Variants in STX8 observed in about 807,000 individuals in gnomAD.
STX8 encodes syntaxin-8.
In STX8, 23 loss-of-function variants were observed where a neutral mutation model predicts 37.5. That is an observed-to-expected ratio of 0.61 (90% confidence interval 0.44 to 0.87). The LOEUF (loss-of-function observed/expected upper bound fraction) is 0.87. Among genes scored for constraint, STX8 ranks in the 40% least tolerant of loss-of-function variants. STX8 has a pLI of 0.00. For synonymous variants in STX8, 115 were observed against 99.1 expected, an observed-to-expected ratio of 1.16 and a Z score of -0.95; for missense variants, 313 against 284.7, an observed-to-expected ratio of 1.10 and a Z score of -0.71.
chr17:9,524,783 T>TTTTG (rs55695494), intron 4 of STX8, among the ~76,000 whole-genome samples: 77,074 of 149,908 alleles, frequency 0.51, 20,325 homozygotes, highest in South Asian at 0.66. Flanking sequence ...TTTGTTTTGT[T>TTTTG]TTTGTTTGTT....
intron 4 of STX8, among the ~76,000 whole-genome samples, chr17:9,508,622 C>T (rs189112878): frequency 1.3e-5 from 2 of 152,218 alleles, no homozygotes; most frequent in Admixed American, 1.3e-4. Context: ...AGCCACCATG[C>T]GTGGCTGAAT....
chr17:9,356,314 G>A (rs1056198616), intron 7 of STX8, among the ~76,000 whole-genome samples: 1 of 152,156 alleles, frequency 6.6e-6, no homozygotes, highest in East Asian at 1.9e-4. Flanking sequence ...TGGTCCATGA[G>A]AATACATAAA....
chr17:9,366,098 C>T (rs990033003), intron 7 of STX8, among the ~76,000 whole-genome samples: 2 of 152,234 alleles, frequency 1.3e-5, no homozygotes, highest in African/African-American at 2.4e-5. Context: ...TCATTTTCCA[C>T]GCCTCTCAGC....
chr17:9,474,073 C>T (rs549922346), intron 6 of STX8, among the ~76,000 whole-genome samples: 62 of 152,096 alleles, frequency 4.1e-4, no homozygotes, highest in Non-Finnish European at 6.9e-4. Flanking sequence ...TCCATAAAAA[C>T]CCTTGAACAA....
intron 6 of STX8, among the ~76,000 whole-genome samples, chr17:9,379,967 CAA>C (rs55853892): frequency 7.2e-6 from 1 of 139,340 alleles, no homozygotes; most frequent in Non-Finnish European, 1.6e-5. Context: ...GACTCTGTCT[CAA>C]AAAAAAAAAG....
At chr17:9,567,932 C>T (rs1263441095) in intron 2 of STX8, among the ~76,000 whole-genome samples, 2 of 152,092 alleles carry the variant, frequency 1.3e-5, no homozygotes, top group Non-Finnish European at 2.9e-5. Flanking sequence ...GCAATCTGCC[C>T]GCCTCAGCCT....
At chr17:9,416,689 G>A (rs1285252112) in intron 6 of STX8, among the ~76,000 whole-genome samples, 3 of 152,034 alleles carry the variant, frequency 2.0e-5, no homozygotes, top group African/African-American at 7.2e-5. Flanking sequence ...TTTAAGCCAG[G>A]ATAATAGTTA....
chr17:9,572,195 A>T (rs1313172775), intron 1 of STX8, among the ~76,000 whole-genome samples: 2 of 152,198 alleles, frequency 1.3e-5, no homozygotes, highest in Non-Finnish European at 2.9e-5. Context: ...CCTGGAGGTA[A>T]AGCTAATTAA....
intron 3 of STX8, among the ~76,000 whole-genome samples, chr17:9,545,581 A>G (rs1176138432): frequency 6.6e-6 from 1 of 151,940 alleles, no homozygotes; most frequent in African/African-American, 2.4e-5. Flanking sequence ...CCGTGACCAA[A>G]CTTATTTACT....
intron 7 of STX8, among the ~76,000 whole-genome samples, chr17:9,262,555 G>A (rs1017676513): frequency 2.0e-5 from 3 of 151,090 alleles, no homozygotes; most frequent in Non-Finnish European, 4.4e-5. Flanking sequence ...TTTGTTTTTT[G>A]GTGTTTTTTG....
At chr17:9,574,991 T>C (rs551624820) in intron 1 of STX8, among the ~76,000 whole-genome samples, 32 of 152,308 alleles carry the variant, frequency 2.1e-4, no homozygotes, top group South Asian at 4.1e-4. Context: ...AATAACAACA[T>C]AAGACACATA....
chr17:9,369,904 A>AG (rs757535976), intron 7 of STX8, among the ~76,000 whole-genome samples: 4 of 146,972 alleles, frequency 2.7e-5, no homozygotes, highest in Admixed American at 6.8e-5. Flanking sequence ...AAAAAAAAAA[A>AG]AAAAAAGAAA....
chr17:9,524,259 C>G (rs1905473691), intron 4 of STX8, among the ~76,000 whole-genome samples: 1 of 152,212 alleles, frequency 6.6e-6, no homozygotes, highest in Non-Finnish European at 1.5e-5. Context: ...TTTCAGGCTG[C>G]TATAACCAAA....
chr17:9,398,559 T>TA (rs1230789714), intron 6 of STX8, among the ~76,000 whole-genome samples: 2 of 152,198 alleles, frequency 1.3e-5, no homozygotes, highest in African/African-American at 4.8e-5. Context: ...TTAATAAACT[T>TA]ACTTTAATGA....
In STX8 at chr17:9,400,259, C is replaced by T. The variant is rs548082546; in HGVS notation, c.542-21606G>A. On this transcript the variant is annotated intron_variant, in intron 6 of 7. Coordinates refer to ENST00000306357, the MANE Select transcript of STX8 (RefSeq NM_004853.3). The stretch of plus-strand genomic sequence containing the variant: ...CTGAGACTACAGGCGCCCGCCACCA[C>T]GCTCAGCTAATTTTTTGTATTTTTA... 2.3e-4 allele frequency among the ~76,000 whole-genome samples: 35 copies of T among 151,740 alleles called. No homozygotes were observed. In the East Asian group the frequency reaches 3.5e-3, roughly 15 times the overall value.
chr17:9,431,603 C>T (rs1913987185), intron 6 of STX8, among the ~76,000 whole-genome samples: 1 of 152,096 alleles, frequency 6.6e-6, no homozygotes, highest in Non-Finnish European at 1.5e-5. Flanking sequence ...CCAAGGGCAG[C>T]AGGTTTAAAG....
intron 4 of STX8, among the ~76,000 whole-genome samples, chr17:9,539,519 T>A (rs16958439): frequency 0.56 from 85,611 of 152,056 alleles, 26,106 homozygotes; most frequent in East Asian, 0.84. Context: ...TGGTCTAGCA[T>A]TCCTGACAAA....
intron 7 of STX8, among the ~76,000 whole-genome samples, chr17:9,319,906 T>A (rs1909517600): frequency 6.6e-6 from 1 of 151,822 alleles, no homozygotes; most frequent in African/African-American, 2.4e-5. Flanking sequence ...GCTGAGATCT[T>A]GCCATTGCAC....
At position 9,570,439 on chromosome 17, in the gene STX8, T is replaced by C. The variant is rs183022850; in HGVS notation, c.18-1969A>G. Among the ~76,000 whole-genome samples the C allele has an allele frequency of 2.0e-5, 3 of 152,046 alleles. No individual in the cohort carries two copies. In the East Asian group the frequency reaches 5.8e-4, roughly 29 times the overall value. ...TATATATCACACACATTCACATATA[T>C]CATATATATCACTGATACATATATT... On this transcript the variant is annotated intron_variant, in intron 1 of 7. Transcript: ENST00000306357.
Sources: gnomAD v4.1 joint callset for allele counts (sites outside exome capture counted in the v4.1 genomes callset) on GRCh38, gnomAD v4.1.1 for gene constraint, MANE v1.5 for transcripts, NCBI Gene and HGNC (gene_info 2026-07-23, HGNC 2026-07-21) for gene names.